The following SCAP variants were observed in gnomAD, a reference collection of about 807,000 sequenced individuals.
SCAP encodes SREBF chaperone, also known as sterol regulatory element-binding protein cleavage-activating protein.
Under a neutral mutation model 123.6 loss-of-function variants are expected in SCAP, and 65 were observed. The ratio of observed to expected loss-of-function variants is 0.53; its 90% confidence interval spans 0.43 to 0.65. SCAP has a LOEUF of 0.65. Ranked by LOEUF, SCAP falls within the 30% of genes least tolerant of loss-of-function variation. The pLI is 0.00. For synonymous variants in SCAP, 740 were observed against 726.3 expected, an observed-to-expected ratio of 1.02 and a Z score of -0.30; for missense variants, 1,398 against 1,712.5, an observed-to-expected ratio of 0.82 and a Z score of 3.24.
chr3:47,421,055 G>C (rs576608784), intron 10 of SCAP, 26 bp from the exon 11 acceptor site: 4 of 1,588,778 alleles, frequency 2.5e-6, no homozygotes, highest in Non-Finnish European at 3.5e-6. Flanking sequence ...ATGGGGATGG[G>C]GGGGTGCCGT....
rs1705642640 is a variant in SCAP, at chr3:47,417,476, A to G, written c.2798T>C (p.Leu933Pro). 1.9e-6 allele frequency: 3 copies of G among 1,550,698 alleles called. No individual in the cohort carries two copies. The highest frequency in any genetic ancestry group is 1.7e-6 in the Non-Finnish European group (2 of 1,147,792). The change falls in exon 17 of 23, where the codon CTG becomes CCG. Residue 933 changes from leucine (L) to proline (P), a missense_variant. Physicochemically the swap from Leu to Pro is moderately conservative, Grantham distance 98. Transcript: ENST00000265565. ...CACCGGCCCAGGCGAGGGTGGGCGC[A>G]GGGCTGGTGTGCAGACGGCCGCCAG... is the stretch of plus-strand genomic sequence containing the variant. The part of the protein sequence containing the change: ...EGLAAVCTPA[L>P]RPPSPGPVLS...
chr3:47,444,479 CTTTA>C (rs949000648), intron 1 of SCAP, among the ~76,000 whole-genome samples: 5 of 152,114 alleles, frequency 3.3e-5, no homozygotes, highest in East Asian at 1.9e-4. Context: ...TCCAGGAACC[CTTTA>C]TTTTTTTTGA....
rs1235076960 is a variant in SCAP, at chr3:47,419,216, G to A, written c.1940+112C>T. On this transcript the variant is annotated intron_variant, in intron 13 of 22. Transcript: ENST00000265565. This position sits in a 1 kb window ranked among gnomAD's most constrained non-coding sequence, Gnocchi z 5.0. The stretch of plus-strand genomic sequence containing the variant: ...ACCAGTTCCCACCTCACAACCTTAT[G>A]AACTGTTTTAATTATTTGCATAATT... The A allele has an allele frequency of 7.3e-7, 1 of 1,373,676 alleles. No individual in the cohort carries two copies. Among genetic ancestry groups the A allele is most frequent in the African/African-American group, 1.5e-5 (1 of 68,794 alleles). The allele number at this position is 1,373,676 out of a possible 1,614,324, so 85.1% of individuals were successfully genotyped here.
chr3:47,419,675 C>T lies in SCAP; in HGVS notation c.1593G>A (p.Leu531=). ...GCAGCCCTGCTGGGTCTGTGTATAC[C>T]AGGATGCCAATCCAGACAACGGTGC... ...MAGTVVWIGI[L]VYTDPAGLRN... The change falls in exon 13 of 23, where the codon CTG becomes CTA. Residue 531 remains leucine (L), a synonymous_variant. Transcript: ENST00000265565. The surrounding 1 kb of genome is among the most constrained non-coding windows in gnomAD (Gnocchi z 5.0). The T allele has an allele frequency of 9.8e-6, 15 of 1,527,790 alleles. No homozygotes were observed. Among genetic ancestry groups the T allele is most frequent in the Non-Finnish European group, 1.3e-5 (15 of 1,137,260 alleles). The allele number at this position is 1,527,790 out of a possible 1,614,324, so 94.6% of individuals were successfully genotyped here. A position where few individuals can be genotyped will look rare whatever the true frequency, so the allele number is the denominator to read the frequency against.
intron 1 of SCAP, among the ~76,000 whole-genome samples, chr3:47,466,135 C>A (rs9836061): frequency 0.98 from 129,652 of 132,508 alleles, 63,413 homozygotes; most frequent in Middle Eastern, 0.99. Flanking sequence ...GTCTTAAAAA[C>A]CAAAAAAAAA....
chr3:47,440,601 T>C (rs2107899803), intron 2 of SCAP, among the ~76,000 whole-genome samples: 1 of 152,344 alleles, frequency 6.6e-6, no homozygotes, highest in South Asian at 2.1e-4. Flanking sequence ...CCAGGTTTGG[T>C]GGCTCACACC....
chr3:47,432,355 AAG>A (rs1326049061), intron 3 of SCAP, among the ~76,000 whole-genome samples: 10 of 151,688 alleles, frequency 6.6e-5, no homozygotes, highest in African/African-American at 2.4e-4. Context: ...GAAAAAAAAA[AAG>A]AAAAAAAAAT....
upstream of SCAP, chr3:47,476,245 T>G (rs1199753218): frequency 6.6e-6 from 1 of 152,190 alleles, no homozygotes; most frequent in Admixed American, 6.5e-5. Flanking sequence ...CGAAGATCGC[T>G]TGAGCCGAGG....
At chr3:47,457,855 T>G (rs957374262) in intron 1 of SCAP, among the ~76,000 whole-genome samples, 2 of 151,954 alleles carry the variant, frequency 1.3e-5, no homozygotes, top group Non-Finnish European at 2.9e-5. Context: ...TGCAGTGAGC[T>G]GAGATGGCGC....
chr3:47,419,780 G>A lies in SCAP; in HGVS notation c.1564-76C>T, dbSNP rs1248632852. The A allele has an allele frequency of 2.0e-6, 3 of 1,481,236 alleles. No individual in the cohort carries two copies. Among genetic ancestry groups the A allele is most frequent in the South Asian group, 2.8e-5 (2 of 70,666 alleles). 91.8% of individuals were successfully genotyped at this position (1,481,236 alleles called of 1,614,324 possible). Reference sequence around the variant, plus strand: ...GCAGCTTCAGCCCTCATGCTGAGAGGAAGCAGCACAGGGACCTCAGGCCTG... The same window carrying A: ...GCAGCTTCAGCCCTCATGCTGAGAGAAAGCAGCACAGGGACCTCAGGCCTG... On this transcript the variant is annotated intron_variant, in intron 12 of 22. Transcript: ENST00000265565. The surrounding 1 kb of genome is among the most constrained non-coding windows in gnomAD (Gnocchi z 5.0).
Position 47,413,710 on chromosome 3 carries a change from T to G in SCAP, c.*144A>C. The stretch of plus-strand genomic sequence containing the variant: ...TCCCAAAGTGCCTGACAGATGATGA[T>G]ATGGTTTTTTAAAAAAGTTTAATAT... On this transcript the variant is annotated 3_prime_UTR_variant, in exon 23 of 23. Coordinates refer to ENST00000265565, the MANE Select transcript of SCAP (RefSeq NM_012235.4). 2 of 1,121,570 alleles carry G rather than the reference T, an allele frequency of 1.8e-6. No individual in the cohort carries two copies. The highest frequency in any genetic ancestry group is 2.5e-6 in the Non-Finnish European group (2 of 788,578). The allele number at this position is 1,121,570 out of a possible 1,614,324, so 69.5% of individuals were successfully genotyped here.
chr3:47,445,738 ATTTTTGTATTTTTAG>A lies in SCAP; in HGVS notation c.-98-2662_-98-2648del, dbSNP rs1707012268. On this transcript the variant is annotated intron_variant, in intron 1 of 22. Coordinates refer to ENST00000265565, the MANE Select transcript of SCAP (RefSeq NM_012235.4). ...AGGTGCACACCACCACACTTGGCTA[ATTTTTGTATTTTTAG>A]TAGAGATGGGGTTTCACCATGTTGG... 7.3e-5 allele frequency among the ~76,000 whole-genome samples: 11 copies of A among 150,478 alleles called. No individual in the cohort carries two copies. In the South Asian group the frequency reaches 2.3e-3, roughly 32 times the overall value.
At chr3:47,415,734 G>T (rs977917770) in intron 18 of SCAP, among the ~76,000 whole-genome samples, 4 of 152,172 alleles carry the variant, frequency 2.6e-5, no homozygotes, top group African/African-American at 9.7e-5. Context: ...TAACCCCAAA[G>T]CCTCAAAGCA....
In SCAP at chr3:47,439,267, G is replaced by C. The variant is rs1706707161; in HGVS notation, c.122+3605C>G. On this transcript the variant is annotated intron_variant, in intron 2 of 22. Coordinates refer to ENST00000265565, the MANE Select transcript of SCAP (RefSeq NM_012235.4). The surrounding 1 kb of genome is among the most constrained non-coding windows in gnomAD (Gnocchi z 4.0). Reference sequence around the variant, plus strand: ...CTACTAAAAATACAAAAAATAGCCGGACGTGGTGGCTCACACCTGTAATCC... The same window carrying C: ...CTACTAAAAATACAAAAAATAGCCGCACGTGGTGGCTCACACCTGTAATCC... Among the ~76,000 whole-genome samples the C allele has an allele frequency of 6.6e-6, 1 of 152,070 alleles. No individual in the cohort carries two copies. The highest frequency in any genetic ancestry group is 2.4e-5 in the African/African-American group (1 of 41,400).
intron 1 of SCAP, among the ~76,000 whole-genome samples, chr3:47,463,329 C>T (rs1269661292): frequency 6.6e-6 from 1 of 152,186 alleles, no homozygotes; most frequent in Admixed American, 6.5e-5. Flanking sequence ...GCAGGAATGC[C>T]TCTATTCATT....
intron 1 of SCAP, among the ~76,000 whole-genome samples, chr3:47,458,782 G>A (rs1429014850): frequency 1.3e-5 from 2 of 152,174 alleles, no homozygotes; most frequent in Admixed American, 6.5e-5. Context: ...CTGAACTGCT[G>A]CTGCTAAGAA....
At chr3:47,466,122 A>G (rs1190451253) in intron 1 of SCAP, among the ~76,000 whole-genome samples, 1 of 146,796 alleles carries the variant, frequency 6.8e-6, no homozygotes, top group African/African-American at 2.5e-5. Flanking sequence ...ACAGAGTGAG[A>G]CTGTCTTAAA....
intron 2 of SCAP, among the ~76,000 whole-genome samples, chr3:47,441,874 C>CTTTTTTTTTTTTTTTTTTT (rs1160447716): frequency 3.9e-5 from 3 of 76,410 alleles, no homozygotes; most frequent in Non-Finnish European, 2.3e-5. Context: ...GTTCATCTTT[C>CTTTTTTTTTTTTTTTTTTT]TTTTTTTTTT....
chr3:47,414,931 A>G lies in SCAP; in HGVS notation c.3202T>C (p.Cys1068Arg). Residue 1068 changes from cysteine to arginine, a missense_variant, in exon 20 of 23, where the codon TGT (cysteine) becomes CGT (arginine). Physicochemically the swap from Cys to Arg is radical, Grantham distance 180 (BLOSUM62 -3). Around this residue, in one of 7 missense-constraint regions of SCAP, gnomAD observed 828 missense variants for 882.5 expected, o/e 0.94. Coordinates refer to ENST00000265565, the MANE Select transcript of SCAP (RefSeq NM_012235.4). ...CAGGGCACTGTGTGGGTCAGGTGAC[A>G]GGCCACTGTGTCGCTGCTGCTGTAC... ...PVYSSSDTVA[C>R]HLTHTVPCAH... The G allele has an allele frequency of 6.2e-7, 1 of 1,612,472 alleles. No individual in the cohort carries two copies. The highest frequency in any genetic ancestry group is 1.1e-5 in the South Asian group (1 of 90,982).
Sources: allele counts gnomAD v4.1 joint callset (sites outside exome capture counted in the v4.1 genomes callset), GRCh38; gene constraint gnomAD v4.1.1; regional missense constraint gnomAD v4.1.1; non-coding constraint Gnocchi (gnomAD v3.1); transcripts MANE v1.5; gene names NCBI Gene and HGNC (gene_info 2026-07-23, HGNC 2026-07-21).